Variants in CNTN4 observed in about 807,000 individuals in gnomAD.
The protein encoded by CNTN4 is contactin 4.
A neutral mutation model predicts 122.5 loss-of-function variants in CNTN4; 77 were observed. The ratio of observed to expected loss-of-function variants is 0.63; its 90% CI spans 0.52 to 0.76. The LOEUF is 0.76. CNTN4 is among the 30% of genes least tolerant of loss of function. CNTN4 has a pLI of 0.00. For missense variants in CNTN4, 1,256 were observed against 1,259.1 expected (o/e 1.00, Z 0.04); for synonymous variants, 512 against 447.0 (o/e 1.15, Z -1.83).
At chr3:2,705,618 T>C (rs866779042) in intron 4 of CNTN4, among the ~76,000 whole-genome samples, 28 of 79,504 alleles carry the variant, frequency 3.5e-4, no homozygotes, top group African/African-American at 1.3e-3. Context: ...TATATTTATA[T>C]ATAATATATA....
At chr3:2,967,686 CA>C (rs1391425257) in intron 13 of CNTN4, among the ~76,000 whole-genome samples, 1 of 152,088 alleles carries the variant, frequency 6.6e-6, no homozygotes, top group Non-Finnish European at 1.5e-5. Flanking sequence ...GTTTCCATAT[CA>C]TTTTTCAGAG....
intron 2 of CNTN4, among the ~76,000 whole-genome samples, chr3:2,141,629 A>G (rs1412315658): frequency 6.6e-6 from 1 of 152,178 alleles, no homozygotes; most frequent in Admixed American, 6.5e-5. Context: ...TATAAAGTGG[A>G]AGAAACCATA....
intron 2 of CNTN4, among the ~76,000 whole-genome samples, chr3:2,137,026 C>A (rs1441581752): frequency 3.9e-5 from 6 of 152,108 alleles, no homozygotes; most frequent in Non-Finnish European, 2.9e-5. Flanking sequence ...AAATTAGAAT[C>A]TAGGAGAAGG....
chr3:2,112,149 C>T (rs987889803), intron 2 of CNTN4, among the ~76,000 whole-genome samples: 2 of 152,020 alleles, frequency 1.3e-5, no homozygotes, highest in African/African-American at 4.8e-5. Flanking sequence ...GGTCAAGAAT[C>T]TTATTTATTA....
chr3:2,125,330 C>CTCTGTGTGTGTGTGTG (rs138301374), intron 2 of CNTN4, among the ~76,000 whole-genome samples: 2 of 143,364 alleles, frequency 1.4e-5, no homozygotes, highest in Admixed American at 7.1e-5. Context: ...ATTCTATTCT[C>CTCTGTGTGTGTGTGTG]TGTGTGTGTG....
intron 2 of CNTN4, among the ~76,000 whole-genome samples, chr3:2,148,697 G>A (rs72622120): frequency 0.032 from 4,912 of 152,152 alleles, 272 homozygotes; most frequent in East Asian, 0.24. Context: ...ATAATTATCA[G>A]ATGACGAAAT....
chr3:2,258,953 T>C (rs1265150090), intron 2 of CNTN4, among the ~76,000 whole-genome samples: 1 of 152,194 alleles, frequency 6.6e-6, no homozygotes, highest in Non-Finnish European at 1.5e-5. Context: ...TTATTCTTTT[T>C]CATTTATTAT....
chr3:2,572,240 G>T (rs1427997279), intron 4 of CNTN4, among the ~76,000 whole-genome samples: 1 of 152,120 alleles, frequency 6.6e-6, no homozygotes, highest in Non-Finnish European at 1.5e-5. Flanking sequence ...TACAAAATTA[G>T]CCGGGTGCAG....
intron 10 of CNTN4, among the ~76,000 whole-genome samples, chr3:2,899,020 T>G (rs1036614156): frequency 3.3e-5 from 5 of 152,216 alleles, no homozygotes; most frequent in Non-Finnish European, 5.9e-5. Context: ...ATGTTCTAAA[T>G]TTTTTTGAAG....
intron 2 of CNTN4, among the ~76,000 whole-genome samples, chr3:2,129,186 T>A (rs577001678): frequency 6.6e-6 from 1 of 151,770 alleles, no homozygotes; most frequent in East Asian, 2.0e-4. Flanking sequence ...CATTTGTTAT[T>A]ATTTTTTGAT....
At chr3:2,894,939 G>C (rs563247078) in intron 10 of CNTN4, among the ~76,000 whole-genome samples, 1 of 152,266 alleles carries the variant, frequency 6.6e-6, no homozygotes, top group East Asian at 1.9e-4. Flanking sequence ...GGGCATAGTT[G>C]GACAGAAAGT....
intron 13 of CNTN4, among the ~76,000 whole-genome samples, chr3:2,978,770 G>A (rs998757039): frequency 6.6e-6 from 1 of 151,992 alleles, no homozygotes; most frequent in Non-Finnish European, 1.5e-5. Flanking sequence ...ATGGCCCCTG[G>A]GGTCAGCAGT....
chr3:2,746,680 T>G (rs1471998801), intron 6 of CNTN4, among the ~76,000 whole-genome samples: 2 of 152,184 alleles, frequency 1.3e-5, no homozygotes, highest in Non-Finnish European at 2.9e-5. Context: ...GAACTCAACA[T>G]CCAATATACC....
chr3:2,191,709 T>TATACACAC (rs1553599242), intron 2 of CNTN4, among the ~76,000 whole-genome samples: 2,982 of 150,876 alleles, frequency 0.02, 104 homozygotes, highest in African/African-American at 0.067. Flanking sequence ...TATATATATA[T>TATACACAC]ACACACACAC....
At chr3:2,974,378 G>A (rs1054299608) in intron 13 of CNTN4, among the ~76,000 whole-genome samples, 3 of 152,140 alleles carry the variant, frequency 2.0e-5, no homozygotes, top group African/African-American at 7.2e-5. Flanking sequence ...GATCTTTGCA[G>A]CTAACAATGA....
At chr3:2,656,907 G>A (rs1371064398) in intron 4 of CNTN4, among the ~76,000 whole-genome samples, 1 of 152,168 alleles carries the variant, frequency 6.6e-6, no homozygotes, top group Non-Finnish European at 1.5e-5. Context: ...ATAGCTCATT[G>A]GGAGTTCTGG....
chr3:2,307,434 CAAA>C (rs61558669), intron 2 of CNTN4, among the ~76,000 whole-genome samples: 1,290 of 124,518 alleles, frequency 0.01, 25 homozygotes, highest in African/African-American at 0.031. Context: ...GACTCCATCT[CAAA>C]AAAAAAAAAA....
chr3:2,553,372 G>C (rs2078593824), intron 3 of CNTN4, among the ~76,000 whole-genome samples: 1 of 152,086 alleles, frequency 6.6e-6, no homozygotes, highest in South Asian at 2.1e-4. Flanking sequence ...CTTTTTCACA[G>C]CACATATAGT....
intron 6 of CNTN4, among the ~76,000 whole-genome samples, chr3:2,799,103 A>T (rs1260750505): frequency 6.6e-6 from 1 of 152,098 alleles, no homozygotes; most frequent in Non-Finnish European, 1.5e-5. Flanking sequence ...GATGTTGAAC[A>T]TTTTTTCATA....
Sources: allele counts gnomAD v4.1 joint callset (sites outside exome capture counted in the v4.1 genomes callset), GRCh38; gene constraint gnomAD v4.1.1; transcripts MANE v1.5; gene names NCBI Gene and HGNC (gene_info 2026-07-23, HGNC 2026-07-21).